Variants in SNAPC4 observed in about 807,000 individuals in gnomAD.
SNAPC4 encodes small nuclear RNA activating complex polypeptide 4.
In SNAPC4, 127 loss-of-function variants were observed where a neutral mutation model predicts 151.3. The observed-to-expected ratio is 0.84, with a 90% CI of 0.73 to 0.97. SNAPC4 has a LOEUF of 0.97. SNAPC4 is among the 50% of genes least tolerant of loss of function. SNAPC4 has a pLI of 0.00. For synonymous variants in SNAPC4, 1,002 were observed against 824.4 expected, an observed-to-expected ratio of 1.22 and a Z score of -3.69; for missense variants, 2,186 against 1,935.0, an observed-to-expected ratio of 1.13 and a Z score of -2.43.
intron 9 of SNAPC4, 43 bp downstream of exon 9, chr9:136,392,479 T>G (rs773948981): frequency 8.9e-6 from 14 of 1,574,170 alleles, no homozygotes; most frequent in Non-Finnish European, 1.2e-5. Context: ...TACAGGGAGC[T>G]GTGCTCCAAG....
chr9:136,398,253 AG>A, intron 2 of SNAPC4, 45 bp downstream of exon 2: 1 of 1,578,054 alleles, frequency 6.3e-7, no homozygotes, highest in Non-Finnish European at 8.6e-7. Flanking sequence ...GAGGCAGACC[AG>A]CTGTTCTTAC....
chr9:136,388,624 T>TA (rs1564389258), intron 10 of SNAPC4, 33 bp from the exon 11 acceptor site: 25 of 1,612,878 alleles, frequency 1.6e-5, no homozygotes, highest in Non-Finnish European at 2.0e-5. Context: ...AAATGAGTGT[T>TA]ACTGCGCGGC....
intron 11 of SNAPC4, 36 bp from the exon 12 acceptor site, chr9:136,387,884 G>A (rs767611214): frequency 1.7e-5 from 20 of 1,155,824 alleles, no homozygotes; most frequent in South Asian, 6.1e-5. Flanking sequence ...CTGTGGGGCC[G>A]AGACACACAC....
rs377492484 is a variant in SNAPC4, at chr9:136,394,793, C to T, written c.550+7G>A. ...AGGGGTGCCGCAGGGCCGGCCAGGG[C>T]TCTTACATTTGGTCACAAGGAGCTC... On this transcript the variant is annotated splice_region_variant and intron_variant, in intron 6 of 23. Transcript: ENST00000684778. 1.9e-6 allele frequency: 3 copies of T among 1,613,274 alleles called. No homozygotes were observed. The highest frequency in any genetic ancestry group is 1.7e-5 in the Admixed American group (1 of 59,976).
chr9:136,379,245 T>G lies in SNAPC4; in HGVS notation c.2582A>C (p.Lys861Thr). The change falls in exon 22 of 24, where the codon AAA becomes ACA. Residue 861 changes from lysine to threonine, a missense_variant. Lys to Thr is a moderately conservative substitution (Grantham distance 78). Coordinates refer to ENST00000684778, the MANE Select transcript of SNAPC4 (RefSeq NM_003086.4). ...AQEASKSASH[K>T]GSRRLASSRV... The stretch of plus-strand genomic sequence containing the variant: ...GCTGGACGCCAGTCTTCGGCTCCCT[T>G]TGTGGCTGGCACTCTTTGAGGCTTC... 6.2e-7 allele frequency: 1 copy of G among 1,612,524 alleles called. No homozygotes were observed. Among genetic ancestry groups the G allele is most frequent in the Non-Finnish European group, 8.5e-7 (1 of 1,179,922 alleles).
Position 136,387,457 on chromosome 9 carries a change from C to T in SNAPC4, c.1325+28G>A, listed in dbSNP as rs749556526. The T allele has an allele frequency of 2.6e-6, 4 of 1,521,742 alleles. No homozygotes were observed. In the East Asian group the frequency reaches 6.7e-5, roughly 26 times the overall value. The allele number at this position is 1,521,742 out of a possible 1,614,324, so 94.3% of individuals were successfully genotyped here. A position where few individuals can be genotyped will look rare whatever the true frequency, so the allele number is the denominator to read the frequency against. On this transcript the variant is annotated intron_variant, in intron 13 of 23. Transcript: ENST00000684778. ...CCTGGTCAGTGACCCACACGGGCCCCTCCCTCGCTCAGCGCTGTGCGACTC... is the reference window on the plus strand; with the variant it reads ...CCTGGTCAGTGACCCACACGGGCCCTTCCCTCGCTCAGCGCTGTGCGACTC...
chr9:136,393,677 G>T (rs371350192), intron 7 of SNAPC4, among the ~76,000 whole-genome samples: 4 of 152,072 alleles, frequency 2.6e-5, no homozygotes, highest in Admixed American at 6.5e-5. Flanking sequence ...CATCGTGGCC[G>T]TGTGGACCGA....
At chr9:136,396,739 G>A (rs1396634384) in intron 3 of SNAPC4, among the ~76,000 whole-genome samples, 2 of 152,224 alleles carry the variant, frequency 1.3e-5, no homozygotes, top group Non-Finnish European at 2.9e-5. Context: ...GGAGACAGAG[G>A]CATACAGCAA....
chr9:136,383,360 C>T lies in SNAPC4; in HGVS notation c.1809G>A (p.Gly603=), dbSNP rs1564383778. 5 of 1,606,400 alleles carry T rather than the reference C, an allele frequency of 3.1e-6. No individual in the cohort carries two copies. Among genetic ancestry groups the T allele is most frequent in the Non-Finnish European group, 4.2e-6 (5 of 1,177,062 alleles). ...TGCTGCCGCCCTGGCTGGCACTGGACCCCTTGGGAGGGCTGAGGGAGGCAG... is the reference window on the plus strand; with the variant it reads ...TGCTGCCGCCCTGGCTGGCACTGGATCCCTTGGGAGGGCTGAGGGAGGCAG... ...GPAASLSPPK[G]SSASQGGSKE... is the part of the protein sequence containing the mutation. Residue 603 remains glycine, a synonymous_variant, in exon 16 of 24, where the codon GGG becomes GGA. Transcript: ENST00000684778. The surrounding 1 kb of genome is among the most constrained non-coding windows in gnomAD (Gnocchi z 4.2).
chr9:136,389,501 A>G (rs534207053), intron 10 of SNAPC4, among the ~76,000 whole-genome samples: 1 of 152,220 alleles, frequency 6.6e-6, no homozygotes, highest in Non-Finnish European at 1.5e-5. Context: ...GCTACATCAC[A>G]GGTCTATCTG....
rs769360668 is a variant in SNAPC4 at position 136,377,771 on chromosome 9, C to T, written c.4056G>A (p.Arg1352=). The change falls in exon 22 of 24, where the codon CGG becomes CGA. Residue 1352 remains arginine, a synonymous_variant. Coordinates refer to ENST00000684778, the MANE Select transcript of SNAPC4 (RefSeq NM_003086.4). The part of the protein sequence containing the change: ...GALQASLGLV[R]GQLQDNPAYL... The stretch of plus-strand genomic sequence containing the variant: ...AGGCCGGGTTGTCCTGGAGCTGCCC[C>T]CGCACCAGCCCCAGTGAGGCTTGCA... 1.9e-6 allele frequency: 3 copies of T among 1,611,660 alleles called. No homozygotes were observed. The South Asian group carries it at 3.3e-5, about 18-fold the overall frequency.
intron 14 of SNAPC4, among the ~76,000 whole-genome samples, chr9:136,384,265 G>A (rs966990974): frequency 3.9e-5 from 6 of 152,080 alleles, no homozygotes; most frequent in African/African-American, 1.4e-4. Flanking sequence ...AGGAAAAATC[G>A]TCCTAAGCGC....
intron 2 of SNAPC4, 61 bp downstream of exon 2, chr9:136,398,238 C>T: frequency 5.8e-6 from 9 of 1,552,198 alleles, no homozygotes; most frequent in Non-Finnish European, 7.9e-6. Context: ...CTGAGAGGAA[C>T]CCAGGAGGCA....
chr9:136,387,133 G>A (rs1833916740), intron 13 of SNAPC4, among the ~76,000 whole-genome samples: 1 of 152,246 alleles, frequency 6.6e-6, no homozygotes. Flanking sequence ...AGCAGGAAAA[G>A]GAGGGAGCTG....
At position 136,383,295 on chromosome 9, in the gene SNAPC4, G is replaced by A. The variant is rs377155459; in HGVS notation, c.1874C>T (p.Thr625Met). 1,415 of 1,612,100 alleles carry A rather than the reference G, an allele frequency of 8.8e-4. 22 individuals carry two copies. The South Asian group carries it at 0.014, about 16-fold the overall frequency. Residue 625 changes from threonine (T) to methionine (M), a missense_variant, in exon 16 of 24, where the codon ACG becomes ATG. Transcript: ENST00000684778. This position sits in a 1 kb window ranked among gnomAD's most constrained non-coding sequence, Gnocchi z 4.2. ...CCTGGCAGGGACCTGCACCGGACTC[G>A]TCTCCTCTCCAGGAGCCGCGGCTGT... ...STTAAAPGEE[T>M]SPVQVPARAH...
At chr9:136,382,160 C>T (rs971418173) in intron 17 of SNAPC4, 87 bp from the exon 18 acceptor site, 3 of 1,577,256 alleles carry the variant, frequency 1.9e-6, no homozygotes, top group Non-Finnish European at 2.6e-6. Context: ...TGCCCTCCAC[C>T]CCCATCAGGG....
rs371923710 is a variant in SNAPC4, at chr9:136,380,568, C to T, written c.2499+172G>A. Among the ~76,000 whole-genome samples the T allele has an allele frequency of 3.4e-3, 522 of 152,340 alleles. 4 individuals carry two copies. Among genetic ancestry groups the T allele is most frequent in the Non-Finnish European group, 6.3e-3 (426 of 68,026 alleles). ...AGTGTCAGCCCCGACCTGCACCTGC[C>T]TGACTTCCCCAGGGCCTCTCAAGGC... is the stretch of plus-strand genomic sequence containing the variant. On this transcript the variant is annotated intron_variant, in intron 20 of 23. Coordinates refer to ENST00000684778, the MANE Select transcript of SNAPC4 (RefSeq NM_003086.4).
At chr9:136,379,940 C>T in intron 20 of SNAPC4, 76 bp from the exon 21 acceptor site, 1 of 1,491,576 alleles carries the variant, frequency 6.7e-7, no homozygotes, top group Non-Finnish European at 9.2e-7. Context: ...AGCATCTGGA[C>T]TATCCCCTGC....
At chr9:136,385,298 G>A (rs1333104503) in intron 13 of SNAPC4, among the ~76,000 whole-genome samples, 1 of 152,204 alleles carries the variant, frequency 6.6e-6, no homozygotes, top group African/African-American at 2.4e-5. Flanking sequence ...TGGTGAGAGT[G>A]TGGAAAACCG....
Sources: gnomAD v4.1 joint callset for allele counts (sites outside exome capture counted in the v4.1 genomes callset) on GRCh38, gnomAD v4.1.1 for gene constraint, Gnocchi (gnomAD v3.1) non-coding constraint, MANE v1.5 for transcripts, NCBI Gene and HGNC (gene_info 2026-07-23, HGNC 2026-07-21) for gene names.